The following CDH13 variants were observed in gnomAD, a reference collection of about 807,000 sequenced individuals.
CDH13 encodes cadherin 13, also known as cadherin-13.
Under a neutral mutation model 63.8 loss-of-function variants are expected in CDH13, and 24 were observed. That is an observed-to-expected ratio of 0.38 (90% CI 0.27 to 0.53). CDH13 has a LOEUF of 0.53. Ranked by LOEUF, CDH13 falls within the 20% of genes least tolerant of loss-of-function variation. CDH13 has a pLI of 0.85. For synonymous variants in CDH13, 503 were observed against 355.3 expected (o/e 1.42, Z -4.67); for missense variants, 1,049 against 903.1 (o/e 1.16, Z -2.07).
intron 8 of CDH13, chr16:83,654,866 G>A (rs577071687): frequency 6.6e-6 from 1 of 152,206 alleles, no homozygotes; most frequent in African/African-American, 2.4e-5. Context: ...AGCATCTCCA[G>A]GTGGCTCAAA....
In CDH13 at chr16:83,084,555, A is replaced by T. The variant is rs140549771; in HGVS notation, c.367-40830A>T. Among the ~76,000 whole-genome samples, 28 of 152,340 alleles carry T rather than the reference A, an allele frequency of 1.8e-4. 1 individual carries two copies. In the East Asian group the frequency reaches 5.4e-3, roughly 29 times the overall value. On this transcript the variant is annotated intron_variant, in intron 3 of 13. Transcript: ENST00000567109. Reference sequence around the variant, plus strand: ...CAATCATGGAGAGCATGTCCTTTAGAGATACCTTTGGCTGCAGATATGTGA... The same window carrying T: ...CAATCATGGAGAGCATGTCCTTTAGTGATACCTTTGGCTGCAGATATGTGA...
chr16:83,004,907 C>T (rs560105569), intron 2 of CDH13, among the ~76,000 whole-genome samples: 1 of 152,280 alleles, frequency 6.6e-6, no homozygotes, highest in Admixed American at 6.5e-5. Flanking sequence ...ACTTGTCATC[C>T]CCAGGGTGGT....
intron 2 of CDH13, among the ~76,000 whole-genome samples, chr16:83,014,319 T>TAAAAAAAAAAAAAA (rs34322579): frequency 1.5e-5 from 1 of 67,708 alleles, no homozygotes; most frequent in Non-Finnish European, 3.3e-5. Flanking sequence ...CCCAAATCGA[T>TAAAAAAAAAAAAAA]AAAAAAAAAA....
intron 3 of CDH13, among the ~76,000 whole-genome samples, chr16:83,048,602 A>C (rs1718963813): frequency 6.6e-6 from 1 of 152,126 alleles, no homozygotes; most frequent in African/African-American, 2.4e-5. Context: ...AGAAAAGTTC[A>C]TACCATCCAT....
intron 5 of CDH13, among the ~76,000 whole-genome samples, chr16:83,235,784 T>G (rs1465271354): frequency 2.0e-5 from 3 of 152,226 alleles, no homozygotes; most frequent in African/African-American, 7.2e-5. Flanking sequence ...CGTTATATTT[T>G]AAGTGTTAAT....
At chr16:83,054,795 A>G (rs1337678869) in intron 3 of CDH13, among the ~76,000 whole-genome samples, 3 of 152,198 alleles carry the variant, frequency 2.0e-5, no homozygotes, top group African/African-American at 7.2e-5. Context: ...TAGTCTAAAT[A>G]TAAAAAAGAG....
intron 3 of CDH13, among the ~76,000 whole-genome samples, chr16:83,051,427 G>A (rs764426195): frequency 6.6e-6 from 1 of 152,182 alleles, no homozygotes; most frequent in Non-Finnish European, 1.5e-5. Context: ...ATGTAACAAT[G>A]TATATTTTTA....
chr16:82,924,729 G>C (rs1365561321), intron 2 of CDH13, among the ~76,000 whole-genome samples: 1 of 152,088 alleles, frequency 6.6e-6, no homozygotes, highest in Non-Finnish European at 1.5e-5. Flanking sequence ...GGTCACCATG[G>C]CCAGCCCTTC....
chr16:83,678,315 C>T lies in CDH13; in HGVS notation c.1392C>T (p.Val464=). 1 of 1,614,030 alleles carries T rather than the reference C, an allele frequency of 6.2e-7. No homozygotes were observed. Among genetic ancestry groups the T allele is most frequent in the African/African-American group, 1.3e-5 (1 of 75,046 alleles). ...VSYGPSSTAT[V]HITVLDVNEG... ...ACGGCCCCAGCTCCACAGCCACCGT[C>T]CACATCACTGTCCTGGATGTCAACG... The change falls in exon 10 of 14, where the codon GTC becomes GTT. Residue 464 remains valine, a synonymous_variant. Transcript: ENST00000567109.
At chr16:82,863,443 C>G (rs1476825890) in intron 2 of CDH13, among the ~76,000 whole-genome samples, 1 of 152,202 alleles carries the variant, frequency 6.6e-6, no homozygotes, top group Non-Finnish European at 1.5e-5. Flanking sequence ...TAAGATCACA[C>G]AGTTTTAAAC....
At chr16:83,187,552 G>T (rs182617529) in intron 4 of CDH13, among the ~76,000 whole-genome samples, 1 of 152,136 alleles carries the variant, frequency 6.6e-6, no homozygotes, top group Admixed American at 6.5e-5. Context: ...GATTGGCAGG[G>T]GAAATCCCAG....
intron 2 of CDH13, among the ~76,000 whole-genome samples, chr16:82,985,666 T>C (rs1349042585): frequency 6.6e-6 from 1 of 152,110 alleles, no homozygotes; most frequent in African/African-American, 2.4e-5. Flanking sequence ...CTTTCTGAAA[T>C]GTTGGTAATT....
chr16:82,820,153 T>G (rs1305357438), intron 1 of CDH13, among the ~76,000 whole-genome samples: 1 of 152,186 alleles, frequency 6.6e-6, no homozygotes, highest in African/African-American at 2.4e-5. Flanking sequence ...GAAGTGGGAA[T>G]GATTAAATAT....
intron 6 of CDH13, among the ~76,000 whole-genome samples, chr16:83,371,413 C>T (rs988998479): frequency 6.6e-6 from 1 of 152,156 alleles, no homozygotes; most frequent in Non-Finnish European, 1.5e-5. Flanking sequence ...TTGCTTACTG[C>T]CCATTATAAG....
At chr16:82,885,226 A>G (rs1450532800) in intron 2 of CDH13, among the ~76,000 whole-genome samples, 2 of 152,238 alleles carry the variant, frequency 1.3e-5, no homozygotes, top group African/African-American at 2.4e-5. Flanking sequence ...AATGTAAAAC[A>G]TATTTCTATA....
chr16:83,620,313 C>T (rs1909689364), intron 8 of CDH13, among the ~76,000 whole-genome samples: 1 of 150,546 alleles, frequency 6.6e-6, no homozygotes, highest in South Asian at 2.1e-4. Context: ...ATTGTTTGAA[C>T]CCAGGAGGCG....
intron 6 of CDH13, among the ~76,000 whole-genome samples, chr16:83,349,830 A>T (rs952392414): frequency 1.3e-5 from 2 of 151,966 alleles, no homozygotes; most frequent in Non-Finnish European, 2.9e-5. Flanking sequence ...TGAACTCCTG[A>T]CCTCAGGTTA....
At chr16:83,238,854 A>G (rs1170153186) in intron 5 of CDH13, among the ~76,000 whole-genome samples, 1 of 152,192 alleles carries the variant, frequency 6.6e-6, no homozygotes, top group Non-Finnish European at 1.5e-5. Flanking sequence ...TCTGGCATGG[A>G]CAAGGGCAAG....
intron 2 of CDH13, among the ~76,000 whole-genome samples, chr16:83,002,116 A>G (rs1912999134): frequency 6.6e-6 from 1 of 152,216 alleles, no homozygotes; most frequent in Non-Finnish European, 1.5e-5. Flanking sequence ...CCCCAAAAAG[A>G]TATGTCCACA....
Sources: gnomAD v4.1 joint callset for allele counts (sites outside exome capture counted in the v4.1 genomes callset) on GRCh38, gnomAD v4.1.1 for gene constraint, MANE v1.5 for transcripts, NCBI Gene and HGNC (gene_info 2026-07-23, HGNC 2026-07-21) for gene names.